The following CSMD1 variants were observed in gnomAD, a reference collection of about 807,000 sequenced individuals.
CSMD1 encodes the protein CUB and sushi domain-containing protein 1.
Under a neutral mutation model 417.5 loss-of-function variants are expected in CSMD1, and 213 were observed. The observed-to-expected ratio is 0.51, with a 90% CI of 0.46 to 0.57. The LOEUF (loss-of-function observed/expected upper bound fraction) is 0.57, where lower values mean the gene tolerates loss of function less well. Among genes scored for constraint, CSMD1 ranks in the 20% least tolerant of loss-of-function variants. The probability of loss-of-function intolerance (pLI) is 0.00; values close to 1 mark genes in which losing one functional copy is unlikely to be tolerated. For synonymous variants in CSMD1, 2,862 were observed against 1,736.8 expected, an observed-to-expected ratio of 1.65 and a Z score of -16.11; for missense variants, 6,923 against 4,529.7, an observed-to-expected ratio of 1.53 and a Z score of -15.17.
At chr8:4,655,894 T>C (rs1563077949) in intron 1 of CSMD1, among the ~76,000 whole-genome samples, 1 of 152,128 alleles carries the variant, frequency 6.6e-6, no homozygotes, top group Non-Finnish European at 1.5e-5. Context: ...CAAATATTGA[T>C]TGACTGTCAA....
chr8:4,154,942 A>G (rs2002195), intron 3 of CSMD1, among the ~76,000 whole-genome samples: 35,456 of 152,056 alleles, frequency 0.23, 4,194 homozygotes, highest in South Asian at 0.36. Flanking sequence ...CAATAATACA[A>G]AATGTTATAT....
At chr8:3,520,413 C>T (rs1002504134) in intron 10 of CSMD1, among the ~76,000 whole-genome samples, 2 of 152,134 alleles carry the variant, frequency 1.3e-5, no homozygotes, top group African/African-American at 4.8e-5. Context: ...TCATCACATA[C>T]AGCTAAAAAA....
At chr8:4,793,669 G>A (rs971735235) in intron 1 of CSMD1, among the ~76,000 whole-genome samples, 2 of 152,030 alleles carry the variant, frequency 1.3e-5, no homozygotes, top group African/African-American at 2.4e-5. Flanking sequence ...TGACGCCTCT[G>A]CTCAGGAGAA....
chr8:3,454,280 T>C (rs990221009), intron 12 of CSMD1, among the ~76,000 whole-genome samples: 3 of 152,214 alleles, frequency 2.0e-5, no homozygotes, highest in Middle Eastern at 3.2e-3. Context: ...TGCCAGTCTG[T>C]GTCTTTTAAT....
intron 7 of CSMD1, among the ~76,000 whole-genome samples, chr8:3,633,958 G>C (rs75881800): frequency 6.6e-5 from 10 of 151,652 alleles, no homozygotes; most frequent in African/African-American, 2.4e-4. Context: ...AGTGGATTCA[G>C]TATGAAACAT....
chr8:4,238,471 C>T (rs1802197939), intron 3 of CSMD1, among the ~76,000 whole-genome samples: 1 of 152,138 alleles, frequency 6.6e-6, no homozygotes, highest in Non-Finnish European at 1.5e-5. Context: ...GAGCACACTG[C>T]CTTAGGGTAA....
chr8:4,816,747 G>A (rs1799229269), intron 1 of CSMD1, among the ~76,000 whole-genome samples: 1 of 152,156 alleles, frequency 6.6e-6, no homozygotes, highest in Non-Finnish European at 1.5e-5. Flanking sequence ...GGAGGCTGTT[G>A]CAGGACTCAT....
At chr8:3,792,099 G>A (rs552665320) in intron 5 of CSMD1, among the ~76,000 whole-genome samples, 1 of 152,204 alleles carries the variant, frequency 6.6e-6, no homozygotes, top group South Asian at 2.1e-4. Flanking sequence ...GACTTCCTGA[G>A]CCTGGGCCAA....
chr8:4,362,568 C>T (rs1235023760), intron 3 of CSMD1, among the ~76,000 whole-genome samples: 1 of 152,082 alleles, frequency 6.6e-6, no homozygotes, highest in Middle Eastern at 3.2e-3. Flanking sequence ...GATAATATAG[C>T]CCCGTGAAGT....
intron 1 of CSMD1, among the ~76,000 whole-genome samples, chr8:4,883,290 T>C (rs1803531361): frequency 6.6e-6 from 1 of 151,968 alleles, no homozygotes; most frequent in South Asian, 2.1e-4. Context: ...ATAAATAGAG[T>C]TACAGATAAA....
chr8:3,916,889 G>A (rs560043156), intron 5 of CSMD1, among the ~76,000 whole-genome samples: 5 of 146,300 alleles, frequency 3.4e-5, no homozygotes, highest in African/African-American at 4.9e-5. Context: ...AGCTGGTCAT[G>A]AAACAGAATG....
intron 3 of CSMD1, among the ~76,000 whole-genome samples, chr8:4,046,742 G>A (rs1249295806): frequency 2.0e-5 from 3 of 152,008 alleles, no homozygotes; most frequent in South Asian, 2.1e-4. Flanking sequence ...CTTTTTTTCT[G>A]TTTCCCCCAT....
chr8:3,294,193 T>G (rs757620014), intron 25 of CSMD1, among the ~76,000 whole-genome samples: 1 of 151,992 alleles, frequency 6.6e-6, no homozygotes, highest in Non-Finnish European at 1.5e-5. Flanking sequence ...GGAAGTTTTG[T>G]CTCAGAGTAC....
intron 3 of CSMD1, among the ~76,000 whole-genome samples, chr8:4,398,788 T>G (rs1218850069): frequency 6.6e-6 from 1 of 152,242 alleles, no homozygotes; most frequent in Non-Finnish European, 1.5e-5. Flanking sequence ...GCACTGTTCT[T>G]TCACCTATGA....
At chr8:3,847,073 G>T (rs947774020) in intron 5 of CSMD1, among the ~76,000 whole-genome samples, 4 of 152,102 alleles carry the variant, frequency 2.6e-5, no homozygotes, top group Non-Finnish European at 4.4e-5. Flanking sequence ...CTTCCAGGGT[G>T]GGGGAAGGCA....
At chr8:3,931,054 C>G (rs561918343) in intron 5 of CSMD1, among the ~76,000 whole-genome samples, 2 of 150,504 alleles carry the variant, frequency 1.3e-5, no homozygotes, top group South Asian at 4.3e-4. Context: ...GCGGTATGAT[C>G]GCTGAGATAA....
At chr8:3,461,019 C>T (rs191203926) in intron 12 of CSMD1, among the ~76,000 whole-genome samples, 89 of 152,226 alleles carry the variant, frequency 5.8e-4, no homozygotes, top group Admixed American at 8.5e-4. Context: ...CAGGAAAGCC[C>T]GTTGAGAGGA....
At chr8:3,274,186 C>T (rs1286691743) in intron 26 of CSMD1, among the ~76,000 whole-genome samples, 13 of 151,476 alleles carry the variant, frequency 8.6e-5, no homozygotes, top group South Asian at 4.2e-4. Flanking sequence ...TCGTTATGTA[C>T]CCAGTAGTCA....
chr8:3,580,282 T>C (rs1800326949), intron 9 of CSMD1, among the ~76,000 whole-genome samples: 1 of 152,068 alleles, frequency 6.6e-6, no homozygotes, highest in Admixed American at 6.6e-5. Context: ...GAAAGGCAGA[T>C]AAAAGATTTG....
Sources: gnomAD v4.1 joint callset for allele counts (sites outside exome capture counted in the v4.1 genomes callset) on GRCh38, gnomAD v4.1.1 for gene constraint, MANE v1.5 for transcripts, NCBI Gene and HGNC (gene_info 2026-07-23, HGNC 2026-07-21) for gene names.